RPUSD2: variants seen among roughly 807,000 people sequenced by gnomAD.
RPUSD2 encodes the protein pseudouridylate synthase RPUSD2.
Under a neutral mutation model 41.5 loss-of-function variants are expected in RPUSD2, and 31 were observed. The ratio of observed to expected loss-of-function variants is 0.75; its 90% confidence interval spans 0.56 to 1.01. The LOEUF (loss-of-function observed/expected upper bound fraction) is 1.01, where lower values mean the gene tolerates loss of function less well. RPUSD2 is among the 50% of genes least tolerant of loss of function. The probability of loss-of-function intolerance (pLI) is 0.00; values close to 1 mark genes in which losing one functional copy is unlikely to be tolerated. For missense variants in RPUSD2, 749 were observed against 724.7 expected, an observed-to-expected ratio of 1.03 and a Z score of -0.38; for synonymous variants, 305 against 289.7, an observed-to-expected ratio of 1.05 and a Z score of -0.54.
At chr15:40,571,504 C>A in intron 1 of RPUSD2, 100 bp from the exon 2 acceptor site, 1 of 1,118,112 alleles carries the variant, frequency 8.9e-7, no homozygotes, top group Non-Finnish European at 1.3e-6. Flanking sequence ...GTGCTTTCAC[C>A]ATTTTTCCAT....
intron 1 of RPUSD2, among the ~76,000 whole-genome samples, chr15:40,570,767 A>G (rs117886423): frequency 1.5e-3 from 231 of 152,244 alleles, no homozygotes; most frequent in Admixed American, 3.3e-3. Flanking sequence ...TCCCTCTCCT[A>G]TCCCAATTTC....
chr15:40,570,138 G>T, intron 1 of RPUSD2, 195 bp downstream of exon 1: 1 of 668,844 alleles, frequency 1.5e-6, no homozygotes, highest in Non-Finnish European at 2.4e-6. Context: ...GGGTGTCTGT[G>T]CTTCAGGACT....
chr15:40,569,375 G>C lies in RPUSD2; in HGVS notation c.38G>C (p.Gly13Ala), dbSNP rs768606124. The C allele has an allele frequency of 1.3e-6, 2 of 1,515,428 alleles. No individual in the cohort carries two copies. The highest frequency in any genetic ancestry group is 1.4e-5 in the African/African-American group (1 of 71,436). The allele number at this position is 1,515,428 out of a possible 1,614,324, so 93.9% of individuals were successfully genotyped here. A position where few individuals can be genotyped will look rare whatever the true frequency, so the allele number is the denominator to read the frequency against. The change falls in exon 1 of 3, where the codon GGA (glycine) becomes GCA (alanine). Residue 13 changes from glycine to alanine, a missense_variant. Gly to Ala is a moderately conservative substitution (Grantham distance 60). Coordinates refer to ENST00000315616, the MANE Select transcript of RPUSD2 (RefSeq NM_152260.3). ...CGCCGCGGATGGCTCAGGGTTCTTGGACATTGGCGCTACGACCTTAGGCGC... is the reference window on the plus strand; with the variant it reads ...CGCCGCGGATGGCTCAGGGTTCTTGCACATTGGCGCTACGACCTTAGGCGC... ...LDRRGWLRVL[G>A]HWRYDLRRPS...
At position 40,569,830 on chromosome 15, in the gene RPUSD2, G is replaced by C; in HGVS notation, c.493G>C (p.Val165Leu). Residue 165 changes from valine to leucine, a missense_variant, in exon 1 of 3, where the codon GTC becomes CTC. Physicochemically the swap from Val to Leu is conservative, Grantham distance 32 (BLOSUM62 1). Coordinates refer to ENST00000315616, the MANE Select transcript of RPUSD2 (RefSeq NM_152260.3). ...GRWVGHSLLH[V>L]FSTEFRAQPL... is the part of the protein sequence containing the mutation. ...CTGGGTGGGCCACAGCTTGCTGCAC[G>C]TCTTCAGTACCGAGTTCCGAGCTCA... 6.2e-7 allele frequency: 1 copy of C among 1,613,188 alleles called. No homozygotes were observed. Among genetic ancestry groups the C allele is most frequent in the Non-Finnish European group, 8.5e-7 (1 of 1,179,736 alleles).
In RPUSD2 at chr15:40,570,092, C is replaced by A. The variant is rs1055799822; in HGVS notation, c.606+149C>A. 41 of 1,140,182 alleles carry A rather than the reference C, an allele frequency of 3.6e-5. No individual in the cohort carries two copies. In the Admixed American group the frequency reaches 6.2e-4, roughly 17 times the overall value. 70.6% of individuals were successfully genotyped at this position (1,140,182 alleles called of 1,614,324 possible). A position where few individuals can be genotyped will look rare whatever the true frequency, so the allele number is the denominator to read the frequency against. On this transcript the variant is annotated intron_variant, in intron 1 of 2. Transcript: ENST00000315616. ...AGCGTTCTCGCTTTCATTTGGAACA[C>A]TATTTTAGCCCGTTTCCCACCTCCG...
intron 1 of RPUSD2, 158 bp downstream of exon 1, chr15:40,570,101 C>A: frequency 1.9e-6 from 2 of 1,070,942 alleles, no homozygotes; most frequent in Non-Finnish European, 2.6e-6. Context: ...ACTATTTTAG[C>A]CCGTTTCCCA....
chr15:40,570,747 A>T (rs1027074384), intron 1 of RPUSD2, among the ~76,000 whole-genome samples: 2 of 152,178 alleles, frequency 1.3e-5, no homozygotes, highest in African/African-American at 4.8e-5. Flanking sequence ...TATATCATAC[A>T]TTGACGAATT....
chr15:40,572,464 G>C (rs1042580989), intron 2 of RPUSD2, among the ~76,000 whole-genome samples: 4 of 151,966 alleles, frequency 2.6e-5, no homozygotes, highest in African/African-American at 9.7e-5. Flanking sequence ...TACTCGGGAG[G>C]CTGAGGCAGG....
At position 40,573,890 on chromosome 15, in the gene RPUSD2, C is replaced by T. The variant is rs1221894880; in HGVS notation, c.1267C>T (p.Gln423Ter). ...CCTGGTAGCAGAGCACCAGGCCAAA[C>T]AGAGCCTGGATGTGCTAGATCTCTG... is the stretch of plus-strand genomic sequence containing the variant. ...RDLVAEHQAK[Q>*]SLDVLDLCEG... Residue 423 changes from glutamine to a stop codon, truncating the protein, a stop_gained, in exon 3 of 3, where the codon CAG (glutamine) becomes TAG (stop). Transcript: ENST00000315616. LOFTEE classifies it high-confidence loss of function. 1 of 1,614,146 alleles carries T rather than the reference C, an allele frequency of 6.2e-7. No individual in the cohort carries two copies.
At position 40,574,478 on chromosome 15, in the gene RPUSD2, T is replaced by C; in HGVS notation, c.*217T>C. ...TTCTAACATCTTTGATGTCTGGTTT[T>C]CTTCCGGCTTCTTTTTTATTACTGA... On this transcript the variant is annotated 3_prime_UTR_variant, in exon 3 of 3. Transcript: ENST00000315616. The C allele has an allele frequency of 2.2e-6, 1 of 455,432 alleles. No individual in the cohort carries two copies. Among genetic ancestry groups the C allele is most frequent in the Admixed American group, 3.9e-5 (1 of 25,600 alleles). 28.2% of individuals were successfully genotyped at this position (455,432 alleles called of 1,614,324 possible). A position where few individuals can be genotyped will look rare whatever the true frequency, so the allele number is the denominator to read the frequency against.
In RPUSD2 at chr15:40,574,052, A is replaced by G; in HGVS notation, c.1429A>G (p.Thr477Ala). 1 of 1,614,198 alleles carries G rather than the reference A, an allele frequency of 6.2e-7. No homozygotes were observed. The highest frequency in any genetic ancestry group is 8.5e-7 in the Non-Finnish European group (1 of 1,180,030). Residue 477 changes from threonine (T) to alanine (A), a missense_variant, in exon 3 of 3, where the codon ACA becomes GCA. By Grantham distance (58) the Thr-to-Ala change is moderately conservative. Transcript: ENST00000315616. Reference sequence around the variant, plus strand: ...TGAGGCAGCCCCTCAGGAGTTGGACACAATAGCCTTGGCATCAGAGAAGGC... The same window carrying G: ...TGAGGCAGCCCCTCAGGAGTTGGACGCAATAGCCTTGGCATCAGAGAAGGC... Reference protein sequence around the residue: ...VAEAAPQELDTIALASEKAVE... With the variant: ...VAEAAPQELDAIALASEKAVE...
In RPUSD2 at chr15:40,571,739, C is replaced by G. The variant is rs201925774; in HGVS notation, c.742C>G (p.Arg248Gly). 1 of 1,614,250 alleles carries G rather than the reference C, an allele frequency of 6.2e-7. No homozygotes were observed. Among genetic ancestry groups the G allele is most frequent in the Non-Finnish European group, 8.5e-7 (1 of 1,180,038 alleles). The part of the protein sequence containing the change: ...PSSIPVHPCG[R>G]FRHNTVIFIL... ...CTCCATTCCCGTTCACCCCTGTGGC[C>G]GCTTCCGACACAACACAGTTATCTT... The change falls in exon 2 of 3, where the codon CGC becomes GGC. Residue 248 changes from arginine to glycine, a missense_variant. Transcript: ENST00000315616.
rs138983319 is a variant in RPUSD2 at position 40,569,844 on chromosome 15, G to A, written c.507G>A (p.Glu169=). ...GHSLLHVFST[E]FRAQPLAYYE... Reference sequence around the variant, plus strand: ...GCTTGCTGCACGTCTTCAGTACCGAGTTCCGAGCTCAGCCCCTGGCCTACT... The same window carrying A: ...GCTTGCTGCACGTCTTCAGTACCGAATTCCGAGCTCAGCCCCTGGCCTACT... Residue 169 remains glutamate (E), a synonymous_variant, in exon 1 of 3, where the codon GAG becomes GAA. Transcript: ENST00000315616. The A allele has an allele frequency of 3.3e-5, 53 of 1,612,388 alleles. No individual in the cohort carries two copies. Among genetic ancestry groups the A allele is most frequent in the Non-Finnish European group, 4.4e-5 (52 of 1,179,538 alleles).
Position 40,574,280 on chromosome 15 carries a change from G to C in RPUSD2, c.*19G>C. The C allele has an allele frequency of 6.3e-7, 1 of 1,598,192 alleles. No individual in the cohort carries two copies. On this transcript the variant is annotated 3_prime_UTR_variant, in exon 3 of 3. Coordinates refer to ENST00000315616, the MANE Select transcript of RPUSD2 (RefSeq NM_152260.3). ...GGACTGAGGGTGTGGCCAATGGAGG[G>C]ATTGCTTCTTGGGTTGTGACAAGGA...
At chr15:40,570,451 A>C (rs1472055176) in intron 1 of RPUSD2, among the ~76,000 whole-genome samples, 4 of 152,240 alleles carry the variant, frequency 2.6e-5, no homozygotes, top group Non-Finnish European at 5.9e-5. Flanking sequence ...GGCTATCAAC[A>C]GTGCCACTAC....
chr15:40,571,815 T>C lies in RPUSD2; in HGVS notation c.818T>C (p.Leu273Pro). ...AAGGAGCTACACCCCTTGCATCGGC[T>C]TGACCGCCTTACCTCAGGGGTGCTT... The part of the protein sequence containing the change: ...QLKELHPLHR[L>P]DRLTSGVLMF... The change falls in exon 2 of 3, where the codon CTT (leucine) becomes CCT (proline). Residue 273 changes from leucine to proline, a missense_variant. Physicochemically the swap from Leu to Pro is moderately conservative, Grantham distance 98 (BLOSUM62 -3). Coordinates refer to ENST00000315616, the MANE Select transcript of RPUSD2 (RefSeq NM_152260.3). The C allele has an allele frequency of 6.2e-7, 1 of 1,614,258 alleles. No homozygotes were observed. The highest frequency in any genetic ancestry group is 1.1e-5 in the South Asian group (1 of 91,084).
At chr15:40,571,282 A>G (rs1891132407) in intron 1 of RPUSD2, among the ~76,000 whole-genome samples, 2 of 152,328 alleles carry the variant, frequency 1.3e-5, no homozygotes, top group South Asian at 4.1e-4. Context: ...GCGCCCGGCT[A>G]AAAAATTTTA....
In RPUSD2 at chr15:40,569,554, A is replaced by G; in HGVS notation, c.217A>G (p.Lys73Glu). The G allele has an allele frequency of 6.5e-7, 1 of 1,534,002 alleles. No individual in the cohort carries two copies. Among genetic ancestry groups the G allele is most frequent in the Non-Finnish European group, 8.7e-7 (1 of 1,143,872 alleles). ...AKVELSPGPP[K>E]PAGREVEPAP... ...GGTTGAGCTGTCCCCCGGGCCCCCGAAGCCGGCTGGCCGGGAAGTGGAGCC... is the reference window on the plus strand; with the variant it reads ...GGTTGAGCTGTCCCCCGGGCCCCCGGAGCCGGCTGGCCGGGAAGTGGAGCC... The change falls in exon 1 of 3, where the codon AAG becomes GAG. Residue 73 changes from lysine (K) to glutamate (E), a missense_variant. Physicochemically the swap from Lys to Glu is moderately conservative, Grantham distance 56. Transcript: ENST00000315616.
chr15:40,570,177 G>A, intron 1 of RPUSD2: 1 of 494,094 alleles, frequency 2.0e-6, no homozygotes, highest in Admixed American at 3.8e-5. Flanking sequence ...CCTCAAGGCA[G>A]CTTCCTTGTT....
Sources: gnomAD v4.1 joint callset for allele counts (sites outside exome capture counted in the v4.1 genomes callset) on GRCh38, gnomAD v4.1.1 for gene constraint, MANE v1.5 for transcripts, NCBI Gene and HGNC (gene_info 2026-07-23, HGNC 2026-07-21) for gene names.